The following TOX variants were observed in gnomAD, a reference collection of about 807,000 sequenced individuals.
TOX encodes the protein thymocyte selection-associated high mobility group box protein TOX.
TOX carries 11 observed loss-of-function variants against 53.7 expected under a neutral mutation model. That is an observed-to-expected ratio of 0.20 (90% confidence interval 0.13 to 0.34). The LOEUF (loss-of-function observed/expected upper bound fraction) is 0.34, where lower values mean the gene tolerates loss of function less well. Among genes scored for constraint, TOX ranks in the 10% least tolerant of loss-of-function variants. The pLI, the probability that TOX is intolerant of heterozygous loss-of-function variation, is 1.00. For missense variants in TOX, 570 were observed against 664.6 expected (o/e 0.86, Z 1.56); for synonymous variants, 225 against 245.3 (o/e 0.92, Z 0.77).
intron 1 of TOX, among the ~76,000 whole-genome samples, chr8:59,073,439 G>A (rs1037098872): frequency 1.3e-5 from 2 of 152,138 alleles, no homozygotes; most frequent in African/African-American, 2.4e-5. Flanking sequence ...AAAGCCACAC[G>A]AAATGCGTTG....
chr8:59,028,275 G>A (rs1814281555), intron 1 of TOX, among the ~76,000 whole-genome samples: 1 of 151,530 alleles, frequency 6.6e-6, no homozygotes, highest in Non-Finnish European at 1.5e-5. Flanking sequence ...TTATAAATAT[G>A]CTAGGCACAT....
chr8:58,828,532 A>G (rs960583532), intron 5 of TOX, among the ~76,000 whole-genome samples: 1 of 152,088 alleles, frequency 6.6e-6, no homozygotes, highest in Non-Finnish European at 1.5e-5. Flanking sequence ...TGGTTCAAGC[A>G]CAGGAGTATT....
At chr8:58,981,721 C>T (rs1441921796) in intron 1 of TOX, among the ~76,000 whole-genome samples, 1 of 152,134 alleles carries the variant, frequency 6.6e-6, no homozygotes, top group African/African-American at 2.4e-5. Flanking sequence ...AAAAGTCCAC[C>T]CGAACAAACT....
At chr8:59,043,329 TG>T (rs1452160034) in intron 1 of TOX, among the ~76,000 whole-genome samples, 1 of 151,954 alleles carries the variant, frequency 6.6e-6, no homozygotes, top group East Asian at 1.9e-4. Flanking sequence ...CAAAATGTTA[TG>T]GTAGAATCTA....
intron 3 of TOX, among the ~76,000 whole-genome samples, chr8:58,890,793 T>G (rs1811547527): frequency 6.6e-6 from 1 of 151,766 alleles, no homozygotes; most frequent in East Asian, 1.9e-4. Context: ...AAAATGAGAG[T>G]AGTGTGGGTG....
chr8:59,110,875 T>C (rs1188250983), intron 1 of TOX, among the ~76,000 whole-genome samples: 1 of 152,150 alleles, frequency 6.6e-6, no homozygotes, highest in Non-Finnish European at 1.5e-5. Context: ...TCTACAACTT[T>C]CCAAAACACT....
chr8:58,864,107 TA>T (rs1811057467), intron 3 of TOX, among the ~76,000 whole-genome samples: 2 of 152,142 alleles, frequency 1.3e-5, no homozygotes, highest in African/African-American at 4.8e-5. Flanking sequence ...AAAGTAATGA[TA>T]TGTCTAAGAT....
intron 1 of TOX, among the ~76,000 whole-genome samples, chr8:59,024,802 C>T (rs529237429): frequency 1.5e-4 from 23 of 151,782 alleles, no homozygotes; most frequent in African/African-American, 4.6e-4. Context: ...GTGTGATTAT[C>T]CCATACAATT....
At position 59,047,914 on chromosome 8, in the gene TOX, T is replaced by C. The variant is rs7823020; in HGVS notation, c.102+70972A>G. Among the ~76,000 whole-genome samples the C allele has an allele frequency of 8.6e-3, 1,312 of 152,342 alleles. 23 individuals carry two copies. Among genetic ancestry groups the C allele is most frequent in the African/African-American group, 0.03 (1,255 of 41,570 alleles). Reference sequence around the variant, plus strand: ...TTATTGCAATATAAGTTCTTGCATTTCACATGGATGTAAAAACATCCAGCC... The same window carrying C: ...TTATTGCAATATAAGTTCTTGCATTCCACATGGATGTAAAAACATCCAGCC... On this transcript the variant is annotated intron_variant, in intron 1 of 8. Transcript: ENST00000361421.
At chr8:58,935,847 C>G (rs961191539) in intron 3 of TOX, among the ~76,000 whole-genome samples, 2 of 152,168 alleles carry the variant, frequency 1.3e-5, no homozygotes, top group African/African-American at 4.8e-5. Context: ...TTCAAAGAAA[C>G]TAATTCCTTC....
rs1810515806 is a variant in TOX, at chr8:58,834,461, CCAACTTGAATATTAAATGAGAACAAAACA to C, written c.924+3591_924+3619del. ...AAATACATAGCAGTATGTGTGTTCC[CCAACTTGAATATTAAATGAGAACAAAACA>C]CAATTAATTTAAGCTTGAAACGGAG... is the stretch of plus-strand genomic sequence containing the variant. On this transcript the variant is annotated intron_variant, in intron 5 of 8. Transcript: ENST00000361421. Among the ~76,000 whole-genome samples, 4 of 152,240 alleles carry C rather than the reference CCAACTTGAATATTAAATGAGAACAAAACA, an allele frequency of 2.6e-5. No homozygotes were observed. In the South Asian group the frequency reaches 8.3e-4, roughly 32 times the overall value.
chr8:59,083,346 T>C (rs1297946922), intron 1 of TOX, among the ~76,000 whole-genome samples: 2 of 152,234 alleles, frequency 1.3e-5, no homozygotes, highest in African/African-American at 2.4e-5. Flanking sequence ...CTGTATATCA[T>C]GATGGGAAAA....
chr8:58,967,020 G>A (rs1168657034), intron 1 of TOX, among the ~76,000 whole-genome samples: 4 of 151,840 alleles, frequency 2.6e-5, no homozygotes, highest in Non-Finnish European at 5.9e-5. Context: ...GACTACGGGC[G>A]CCCGCCACCA....
At chr8:58,984,803 A>AAG (rs1365612742) in intron 1 of TOX, among the ~76,000 whole-genome samples, 1 of 150,918 alleles carries the variant, frequency 6.6e-6, no homozygotes, top group Non-Finnish European at 1.5e-5. Context: ...AAAAAAAAAA[A>AAG]AAATTGACTA....
rs189795910 is a variant in TOX at position 59,026,844 on chromosome 8, G to A, written c.103-66836C>T. On this transcript the variant is annotated intron_variant, in intron 1 of 8. Coordinates refer to ENST00000361421, the MANE Select transcript of TOX (RefSeq NM_014729.3). ...ATATTTGAATGCAAAATTTTCATAAGAGCATGAGACAATTTAATACATTTA... is the reference window on the plus strand; with the variant it reads ...ATATTTGAATGCAAAATTTTCATAAAAGCATGAGACAATTTAATACATTTA... Among the ~76,000 whole-genome samples, 30 of 147,920 alleles carry A rather than the reference G, an allele frequency of 2.0e-4. No individual in the cohort carries two copies. The East Asian group carries it at 5.6e-3, about 27-fold the overall frequency.
Position 58,939,453 on chromosome 8 carries a change from T to C in TOX, c.260A>G (p.Asn87Ser). The change falls in exon 3 of 9, where the codon AAT (asparagine) becomes AGT (serine). Residue 87 changes from asparagine (N) to serine (S), a missense_variant. This residue lies in a region of TOX where 282 missense variants were observed against 315.0 expected (regional missense o/e 0.90). Coordinates refer to ENST00000361421, the MANE Select transcript of TOX (RefSeq NM_014729.3). The part of the protein sequence containing the change: ...SLPDHSLVHL[N>S]EVESGYHSLC... ...AGAATGGTAACCAGACTCAACTTCA[T>C]TCAGGTGCACCAGCGAGTGGTCTGG... 1 of 1,614,140 alleles carries C rather than the reference T, an allele frequency of 6.2e-7. No individual in the cohort carries two copies. Among genetic ancestry groups the C allele is most frequent in the Non-Finnish European group, 8.5e-7 (1 of 1,180,018 alleles).
chr8:58,983,209 T>C lies in TOX; in HGVS notation c.103-23201A>G, dbSNP rs141307950. Among the ~76,000 whole-genome samples the C allele has an allele frequency of 2.4e-3, 359 of 152,358 alleles. 3 individuals carry two copies. Among genetic ancestry groups the C allele is most frequent in the African/African-American group, 8.2e-3 (342 of 41,576 alleles). The stretch of plus-strand genomic sequence containing the variant: ...CAGACACTGTGGACTTGAGTCTAGT[T>C]CAGTGCCTATACACACATCATTGTG... On this transcript the variant is annotated intron_variant, in intron 1 of 8. Transcript: ENST00000361421.
In TOX at chr8:59,118,039, C is replaced by A. The variant is rs1289971941; in HGVS notation, c.102+847G>T. 2.0e-5 allele frequency among the ~76,000 whole-genome samples: 3 copies of A among 152,304 alleles called. No homozygotes were observed. The highest frequency in any genetic ancestry group is 7.2e-5 in the African/African-American group (3 of 41,568). Reference sequence around the variant, plus strand: ...TATAGGTGGACCCAGCCGAACTCCGCAGCAGCCCAGGCCAGCGCCCCACCT... The same window carrying A: ...TATAGGTGGACCCAGCCGAACTCCGAAGCAGCCCAGGCCAGCGCCCCACCT... On this transcript the variant is annotated intron_variant, in intron 1 of 8. Coordinates refer to ENST00000361421, the MANE Select transcript of TOX (RefSeq NM_014729.3). The surrounding 1 kb of genome is among the most constrained non-coding windows in gnomAD (Gnocchi z 4.1).
intron 1 of TOX, among the ~76,000 whole-genome samples, chr8:59,038,673 T>C (rs1449203173): frequency 1.3e-5 from 2 of 152,252 alleles, no homozygotes; most frequent in African/African-American, 2.4e-5. Flanking sequence ...TGAGATTTGC[T>C]ATCTCCCCAG....
Sources: gnomAD v4.1 joint callset for allele counts (sites outside exome capture counted in the v4.1 genomes callset) on GRCh38, gnomAD v4.1.1 for gene constraint, gnomAD v4.1.1 regional missense constraint, Gnocchi (gnomAD v3.1) non-coding constraint, MANE v1.5 for transcripts, NCBI Gene and HGNC (gene_info 2026-07-23, HGNC 2026-07-21) for gene names.